Variants in RARB observed in about 807,000 individuals in gnomAD.
RARB encodes the protein retinoic acid receptor beta.
In RARB, 17 loss-of-function variants were observed where a neutral mutation model predicts 51.9. The observed-to-expected ratio is 0.33, with a 90% CI of 0.22 to 0.49. The LOEUF (loss-of-function observed/expected upper bound fraction) is 0.49, where lower values mean the gene tolerates loss of function less well. Among genes scored for constraint, RARB ranks in the 20% least tolerant of loss-of-function variants. The probability of loss-of-function intolerance (pLI) is 0.99; values close to 1 mark genes in which losing one functional copy is unlikely to be tolerated. For missense variants in RARB, 369 were observed against 550.8 expected (o/e 0.67, Z 3.30); for synonymous variants, 215 against 195.4 (o/e 1.10, Z -0.84).
intron 3 of RARB, among the ~76,000 whole-genome samples, chr3:25,116,226 C>T (rs1699685044): frequency 6.6e-6 from 1 of 152,146 alleles, no homozygotes; most frequent in South Asian, 2.1e-4. Flanking sequence ...ACTGCAGCAA[C>T]CCAGGAGTCC....
chr3:25,308,005 A>G (rs1274146057), intron 5 of RARB, among the ~76,000 whole-genome samples: 1 of 152,176 alleles, frequency 6.6e-6, no homozygotes, highest in Non-Finnish European at 1.5e-5. Context: ...CCCTTTACAG[A>G]AAAAGTTTGC....
intron 2 of RARB, among the ~76,000 whole-genome samples, chr3:24,999,263 A>G (rs1415038659): frequency 1.3e-5 from 2 of 152,144 alleles, no homozygotes; most frequent in Admixed American, 6.5e-5. Flanking sequence ...ACAGCTAGCC[A>G]TGTTATAAAT....
intron 2 of RARB, among the ~76,000 whole-genome samples, chr3:24,905,025 C>G (rs943610195): frequency 9.2e-5 from 14 of 152,116 alleles, no homozygotes; most frequent in African/African-American, 3.4e-4. Flanking sequence ...TTAGGAAAAA[C>G]ACGTCATGTA....
chr3:25,028,368 G>T (rs927637392), intron 2 of RARB, among the ~76,000 whole-genome samples: 2 of 152,144 alleles, frequency 1.3e-5, no homozygotes, highest in Non-Finnish European at 2.9e-5. Context: ...TCTTTATGCC[G>T]GTGGTTCCCA....
At chr3:25,573,831 T>G (rs1353368174) in intron 4 of RARB, among the ~76,000 whole-genome samples, 1 of 152,130 alleles carries the variant, frequency 6.6e-6, no homozygotes, top group African/African-American at 2.4e-5. Flanking sequence ...CATCTACAGA[T>G]CTTTGAAAGA....
At chr3:24,841,455 TACAG>T (rs1702420645) in intron 1 of RARB, among the ~76,000 whole-genome samples, 1 of 152,224 alleles carries the variant, frequency 6.6e-6, no homozygotes, top group Non-Finnish European at 1.5e-5. Context: ...TTTAGGATAT[TACAG>T]ACAGTGTGTT....
intron 3 of RARB, among the ~76,000 whole-genome samples, chr3:25,523,542 T>A (rs904673912): frequency 6.6e-6 from 1 of 152,232 alleles, no homozygotes; most frequent in Non-Finnish European, 1.5e-5. Flanking sequence ...GTACTGTTTC[T>A]AAGGGGAGTG....
chr3:25,123,382 A>G (rs1699813770), intron 3 of RARB, among the ~76,000 whole-genome samples: 2 of 152,206 alleles, frequency 1.3e-5, no homozygotes, highest in South Asian at 2.1e-4. Context: ...TCAAAATCAT[A>G]GTGGGCTTCT....
At chr3:25,080,488 C>T (rs770663435) in intron 3 of RARB, among the ~76,000 whole-genome samples, 1 of 152,180 alleles carries the variant, frequency 6.6e-6, no homozygotes, top group Non-Finnish European at 1.5e-5. Flanking sequence ...TGAGGAACTG[C>T]CAAACTGTAT....
At chr3:25,499,095 A>T (rs1268762427) in intron 2 of RARB, among the ~76,000 whole-genome samples, 1 of 152,196 alleles carries the variant, frequency 6.6e-6, no homozygotes, top group East Asian at 1.9e-4. Flanking sequence ...GAACCATGCC[A>T]GTAAAAATAT....
At chr3:25,131,970 G>T (rs1699960328) in intron 3 of RARB, among the ~76,000 whole-genome samples, 1 of 152,020 alleles carries the variant, frequency 6.6e-6, no homozygotes, top group African/African-American at 2.4e-5. Flanking sequence ...TGGTGAACAG[G>T]GTGGGTTGAG....
At position 25,091,625 on chromosome 3, in the gene RARB, G is replaced by T. The variant is rs1337306888; in HGVS notation, c.-328+31449G>T. 2.0e-5 allele frequency among the ~76,000 whole-genome samples: 3 copies of T among 152,222 alleles called. No homozygotes were observed. In the East Asian group the frequency reaches 5.8e-4, roughly 29 times the overall value. ...TCTCCAAGTGCTCATATACATAAAT[G>T]CATGCAGCTAAGTATGACTGGAATA... On this transcript the variant is annotated intron_variant, in intron 3 of 11. Transcript: ENST00000383772.
chr3:25,288,904 T>C (rs1465691007), intron 5 of RARB, among the ~76,000 whole-genome samples: 2 of 152,188 alleles, frequency 1.3e-5, no homozygotes, highest in Non-Finnish European at 2.9e-5. Flanking sequence ...CCAACAACTA[T>C]TTTCCAAAAG....
chr3:24,982,717 T>C (rs1267465865), intron 2 of RARB, among the ~76,000 whole-genome samples: 1 of 152,208 alleles, frequency 6.6e-6, no homozygotes, highest in East Asian at 1.9e-4. Context: ...CTCCAACTTC[T>C]CCTCTGTCAG....
chr3:25,304,561 A>G (rs1311719597), intron 5 of RARB, among the ~76,000 whole-genome samples: 1 of 152,166 alleles, frequency 6.6e-6, no homozygotes, highest in African/African-American at 2.4e-5. Flanking sequence ...CTCTTCTTTC[A>G]TGCCCGAGAT....
intron 5 of RARB, among the ~76,000 whole-genome samples, chr3:25,393,380 A>C: frequency 6.6e-6 from 1 of 151,360 alleles, no homozygotes; most frequent in Non-Finnish European, 1.5e-5. Context: ...ACTGGTTTGG[A>C]TATTAGGGTG....
intron 2 of RARB, among the ~76,000 whole-genome samples, chr3:25,033,675 G>GC (rs1697922499): frequency 6.6e-6 from 1 of 152,152 alleles, no homozygotes; most frequent in African/African-American, 2.4e-5. Context: ...ATTTCAGAGA[G>GC]CAGTGGCTGC....
At chr3:25,244,698 CT>C (rs1702514291) in intron 5 of RARB, among the ~76,000 whole-genome samples, 1 of 152,076 alleles carries the variant, frequency 6.6e-6, no homozygotes, top group African/African-American at 2.4e-5. Flanking sequence ...GATTTCTCTT[CT>C]TTTGCATTTG....
chr3:25,081,869 G>A (rs969994796), intron 3 of RARB, among the ~76,000 whole-genome samples: 1 of 151,330 alleles, frequency 6.6e-6, no homozygotes, highest in Non-Finnish European at 1.5e-5. Flanking sequence ...CTGACCTCAG[G>A]TGATCCGCCT....
Sources: allele counts gnomAD v4.1 joint callset (sites outside exome capture counted in the v4.1 genomes callset), GRCh38; gene constraint gnomAD v4.1.1; transcripts MANE v1.5; gene names NCBI Gene and HGNC (gene_info 2026-07-23, HGNC 2026-07-21).